Variants in CCDC192 observed in about 807,000 individuals in gnomAD.
CCDC192 encodes coiled-coil domain-containing protein 192.
intron 3 of CCDC192, among the ~76,000 whole-genome samples, chr5:127,778,680 C>T (rs1211560503): frequency 6.6e-6 from 1 of 152,102 alleles, no homozygotes. Context: ...CAGTGTTAAT[C>T]CTTTTTGAAA....
At chr5:127,818,758 T>C (rs1453097086) in intron 5 of CCDC192, among the ~76,000 whole-genome samples, 1 of 152,036 alleles carries the variant, frequency 6.6e-6, no homozygotes, top group African/African-American at 2.4e-5. Flanking sequence ...GCAGAGGAAG[T>C]AGCCTGTACA....
chr5:127,925,238 A>G (rs183403067), intron 6 of CCDC192, among the ~76,000 whole-genome samples: 1 of 152,336 alleles, frequency 6.6e-6, no homozygotes, highest in African/African-American at 2.4e-5. Context: ...ATGAAAATTA[A>G]TGTTTATAAT....
At chr5:127,800,402 C>G (rs6893038) in intron 5 of CCDC192, among the ~76,000 whole-genome samples, 2 of 88,288 alleles carry the variant, frequency 2.3e-5, no homozygotes, top group African/African-American at 4.9e-5. Flanking sequence ...AAAAAAAAAA[C>G]AACAACAACA....
intron 2 of CCDC192, among the ~76,000 whole-genome samples, chr5:127,732,815 G>A (rs2126819623): frequency 6.6e-6 from 1 of 152,198 alleles, no homozygotes; most frequent in East Asian, 1.9e-4. Context: ...CACAGGGAGG[G>A]GAATAACACA....
chr5:127,750,256 T>C (rs1754062195), intron 2 of CCDC192, among the ~76,000 whole-genome samples: 1 of 152,196 alleles, frequency 6.6e-6, no homozygotes, highest in Non-Finnish European at 1.5e-5. Flanking sequence ...CATTTAGTGC[T>C]ATAAATTTCC....
At chr5:127,728,449 C>T (rs1178511070) in intron 2 of CCDC192, among the ~76,000 whole-genome samples, 1 of 152,164 alleles carries the variant, frequency 6.6e-6, no homozygotes, top group East Asian at 1.9e-4. Flanking sequence ...CCAAACTAAG[C>T]TTCATAAGCA....
intron 6 of CCDC192, among the ~76,000 whole-genome samples, chr5:127,930,846 C>T (rs1184229428): frequency 6.6e-6 from 1 of 152,230 alleles, no homozygotes; most frequent in Admixed American, 6.5e-5. Context: ...AATGTCTGGC[C>T]ACTGGGGCCT....
intron 3 of CCDC192, among the ~76,000 whole-genome samples, chr5:127,788,083 G>GGA (rs143490699): frequency 2.2e-4 from 21 of 94,646 alleles, no homozygotes; most frequent in African/African-American, 7.5e-4. Context: ...CTTCACCTCA[G>GGA]AAAAAAAAAA....
intron 2 of CCDC192, among the ~76,000 whole-genome samples, chr5:127,738,034 C>T (rs1008705325): frequency 6.6e-6 from 1 of 151,744 alleles, no homozygotes; most frequent in Admixed American, 6.6e-5. Flanking sequence ...CTCGATGGTC[C>T]TTACATTTTG....
chr5:127,882,990 G>A (rs894516912), intron 6 of CCDC192, among the ~76,000 whole-genome samples: 1 of 152,088 alleles, frequency 6.6e-6, no homozygotes, highest in East Asian at 1.9e-4. Context: ...TCTACCTAGG[G>A]TTTTCTAAGA....
chr5:127,729,079 G>A (rs542777599), intron 2 of CCDC192, among the ~76,000 whole-genome samples: 1 of 152,028 alleles, frequency 6.6e-6, no homozygotes, highest in East Asian at 1.9e-4. Flanking sequence ...GCTAATTTTT[G>A]TAGTTTTAGT....
chr5:127,791,867 C>T (rs1756884243), intron 3 of CCDC192, among the ~76,000 whole-genome samples: 2 of 152,192 alleles, frequency 1.3e-5, no homozygotes. Flanking sequence ...AACCATTCTT[C>T]AGGAAGCCCA....
At chr5:127,797,785 A>AT (rs1757262711) in intron 4 of CCDC192, among the ~76,000 whole-genome samples, 1 of 139,744 alleles carries the variant, frequency 7.2e-6, no homozygotes, top group African/African-American at 2.7e-5. Context: ...ATATTTATTT[A>AT]TTTATTTATT....
chr5:127,863,946 T>C (rs1281542289), intron 5 of CCDC192, among the ~76,000 whole-genome samples: 1 of 152,226 alleles, frequency 6.6e-6, no homozygotes, highest in African/African-American at 2.4e-5. Context: ...GTGCATCTCC[T>C]GAGCTTTAGT....
chr5:127,832,570 A>G lies in CCDC192; in HGVS notation c.411+34408A>G, dbSNP rs558764187. On this transcript the variant is annotated intron_variant, in intron 5 of 6. Coordinates refer to ENST00000514853, the MANE Select transcript of CCDC192 (RefSeq NM_001317938.2). The stretch of plus-strand genomic sequence containing the variant: ...GTAACAACTTTTTTCAAAAACACAG[A>G]AAAAATTACAAAATTCAGAATAGTG... Among the ~76,000 whole-genome samples, 197 of 152,350 alleles carry G rather than the reference A, an allele frequency of 1.3e-3. 1 individual carries two copies. Among genetic ancestry groups the G allele is most frequent in the African/African-American group, 4.7e-3 (194 of 41,586 alleles).
At chr5:127,782,993 T>TG (rs1179047927) in intron 3 of CCDC192, among the ~76,000 whole-genome samples, 2 of 146,586 alleles carry the variant, frequency 1.4e-5, no homozygotes, top group Non-Finnish European at 3.0e-5. Flanking sequence ...ATCTTAGAGG[T>TG]GGGGTTTTTT....
chr5:127,907,164 G>C (rs1306211068), intron 6 of CCDC192, among the ~76,000 whole-genome samples: 2 of 151,964 alleles, frequency 1.3e-5, no homozygotes, highest in African/African-American at 2.4e-5. Context: ...TTTGGAAAAA[G>C]TTACAAGGAG....
chr5:127,757,083 G>T (rs1754642251), intron 3 of CCDC192, among the ~76,000 whole-genome samples: 2 of 152,188 alleles, frequency 1.3e-5, no homozygotes, highest in African/African-American at 4.8e-5. Context: ...TAAGTAAGGT[G>T]CTGGTTAGGT....
intron 3 of CCDC192, among the ~76,000 whole-genome samples, chr5:127,782,480 A>G (rs952289083): frequency 2.0e-5 from 3 of 151,760 alleles, no homozygotes; most frequent in East Asian, 1.9e-4. Flanking sequence ...TAAAATTTCC[A>G]TTTCAATCTT....
Sources: gnomAD v4.1 joint callset for allele counts (sites outside exome capture counted in the v4.1 genomes callset) on GRCh38, gnomAD v4.1.1 for gene constraint, MANE v1.5 for transcripts, NCBI Gene and HGNC (gene_info 2026-07-23, HGNC 2026-07-21) for gene names.